PSIP1: variants seen among roughly 807,000 people sequenced by gnomAD.
PSIP1 encodes PC4 and SRSF1 interacting protein 1.
A neutral mutation model predicts 74.7 loss-of-function variants in PSIP1; 19 were observed. That is an observed-to-expected ratio of 0.25 (90% CI 0.18 to 0.37). PSIP1 has a LOEUF of 0.37. PSIP1 is among the 10% of genes least tolerant of loss of function. The pLI is 1.00. For missense variants in PSIP1, 601 were observed against 614.3 expected (o/e 0.98, Z 0.23); for synonymous variants, 222 against 195.3 (o/e 1.14, Z -1.14).
At chr9:15,498,151 T>C (rs1235996008) in intron 3 of PSIP1, among the ~76,000 whole-genome samples, 1 of 152,158 alleles carries the variant, frequency 6.6e-6, no homozygotes, top group African/African-American at 2.4e-5. Flanking sequence ...GGCTCACATT[T>C]GTAACCCCAG....
intron 4 of PSIP1, among the ~76,000 whole-genome samples, chr9:15,489,608 C>CAAAAAAAAAAAAAAAAAAAAAAAAAAA (rs1278277874): frequency 2.2e-5 from 1 of 45,542 alleles, no homozygotes. Flanking sequence ...AACTACACCT[C>CAAAAAAAAAAAAAAAAAAAAAAAAAAA]AAAAAAAAAA....
intron 3 of PSIP1, among the ~76,000 whole-genome samples, chr9:15,500,750 T>A (rs2037304466): frequency 6.6e-6 from 1 of 152,294 alleles, no homozygotes; most frequent in Admixed American, 6.5e-5. Flanking sequence ...GCACCCAACT[T>A]CTTTGCATTA....
chr9:15,506,355 G>A (rs1157355592), intron 3 of PSIP1: 3 of 403,286 alleles, frequency 7.4e-6, no homozygotes, highest in Non-Finnish European at 8.9e-6. Flanking sequence ...TTTCCTTTTT[G>A]GTTAAGGAAA....
chr9:15,468,553 A>T (rs1194722509), intron 14 of PSIP1, 77 bp downstream of exon 14: 1 of 1,475,376 alleles, frequency 6.8e-7, no homozygotes, highest in African/African-American at 1.4e-5. Context: ...GAAACTATGT[A>T]TGAAAGCCAT....
At chr9:15,491,864 G>A (rs1587515814) in intron 3 of PSIP1, 1 of 152,498 alleles carries the variant, frequency 6.6e-6, no homozygotes, top group Non-Finnish European at 1.5e-5. Context: ...CCACAGGAGA[G>A]AATGCATGCA....
chr9:15,484,740 A>G (rs181516620), intron 6 of PSIP1, among the ~76,000 whole-genome samples: 4 of 150,762 alleles, frequency 2.7e-5, no homozygotes, highest in Non-Finnish European at 4.4e-5. Flanking sequence ...ACAAAAACAA[A>G]AACAAAACAA....
intron 3 of PSIP1, chr9:15,504,899 C>A (rs1035692160): frequency 4.6e-5 from 7 of 151,568 alleles, no homozygotes; most frequent in Admixed American, 2.0e-4. Flanking sequence ...CTTGTTAAAA[C>A]AGGTCTTTGG....
chr9:15,509,101 T>G (rs1201011516), intron 2 of PSIP1, among the ~76,000 whole-genome samples: 1 of 152,230 alleles, frequency 6.6e-6, no homozygotes, highest in Non-Finnish European at 1.5e-5. Context: ...ATCTAATGGG[T>G]GTTTTCCACC....
At chr9:15,509,979 A>G (rs1230596003) in intron 2 of PSIP1, 138 bp downstream of exon 2, 3 of 821,562 alleles carry the variant, frequency 3.7e-6, no homozygotes, top group African/African-American at 1.8e-5. Flanking sequence ...GCAAAAAACT[A>G]AAATGAAAGG....
chr9:15,486,890 A>G lies in PSIP1; in HGVS notation c.330T>C (p.Val110=). ...TTGAAACACTAGTTTCCTTTTCTTC[A>G]ACTTCAACATCAGATGATGCATTTG... ...KQSNASSDVE[V]EEKETSVSKE... Residue 110 remains valine, a synonymous_variant, in exon 5 of 16, where the codon GTT becomes GTC. Transcript: ENST00000380733. The G allele has an allele frequency of 6.2e-6, 10 of 1,612,506 alleles. No homozygotes were observed. The highest frequency in any genetic ancestry group is 7.6e-6 in the Non-Finnish European group (9 of 1,179,302).
rs912646805 is a variant in PSIP1 at position 15,482,196 on chromosome 9, T to C, written c.457-2509A>G. Among the ~76,000 whole-genome samples, 3 of 152,292 alleles carry C rather than the reference T, an allele frequency of 2.0e-5. No homozygotes were observed. The South Asian group carries it at 6.2e-4, about 32-fold the overall frequency. ...ATTCATAAGTCCTCCACATCCTTGT[T>C]TTGCTGTATCTGTCCCACAAATCCT... On this transcript the variant is annotated intron_variant, in intron 6 of 15. Coordinates refer to ENST00000380733, the MANE Select transcript of PSIP1 (RefSeq NM_033222.5).
At chr9:15,495,479 G>GAA (rs2037031930) in intron 3 of PSIP1, among the ~76,000 whole-genome samples, 2 of 152,070 alleles carry the variant, frequency 1.3e-5, no homozygotes, top group Admixed American at 1.3e-4. Context: ...ATAAGGAAAT[G>GAA]AAATAGTAAA....
chr9:15,487,035 A>T (rs1469627417), intron 4 of PSIP1, 104 bp from the exon 5 acceptor site: 1 of 671,560 alleles, frequency 1.5e-6, no homozygotes, highest in Admixed American at 3.6e-5. Context: ...GTCTCACTCT[A>T]TCACCCAGGC....
intron 10 of PSIP1, chr9:15,470,956 A>C (rs2035800717): frequency 3.5e-6 from 4 of 1,142,412 alleles, no homozygotes; most frequent in Non-Finnish European, 4.3e-6. Context: ...AAAAAAAAAA[A>C]AACAGGAATG....
intron 9 of PSIP1, among the ~76,000 whole-genome samples, chr9:15,473,332 A>G (rs1048009602): frequency 3.3e-5 from 5 of 152,262 alleles, no homozygotes; most frequent in Non-Finnish European, 7.4e-5. Context: ...TCTCTATATA[A>G]ATCCACCTCT....
At chr9:15,475,294 T>C (rs1288632211) in intron 8 of PSIP1, among the ~76,000 whole-genome samples, 4 of 152,190 alleles carry the variant, frequency 2.6e-5, no homozygotes, top group Non-Finnish European at 5.9e-5. Context: ...AGTAAAAGCA[T>C]GCAAGTGAAA....
intron 6 of PSIP1, among the ~76,000 whole-genome samples, chr9:15,479,969 T>G (rs777307325): frequency 7.9e-5 from 12 of 152,204 alleles, no homozygotes; most frequent in Admixed American, 7.9e-4. Flanking sequence ...GAACAAAGTA[T>G]GTGATTACAC....
chr9:15,509,519 T>C (rs746311611), intron 2 of PSIP1, among the ~76,000 whole-genome samples: 2 of 152,318 alleles, frequency 1.3e-5, no homozygotes, highest in Non-Finnish European at 2.9e-5. Context: ...TTCAAGGTCA[T>C]AAACATCTCA....
rs1300903196 is a variant in PSIP1 at position 15,466,823 on chromosome 9, T to C, written c.1457A>G (p.Asp486Gly). ...KTLNGGSDAQ[D>G]GNQPQHNGES... The stretch of plus-strand genomic sequence containing the variant: ...CCCGTTATGTTGTGGCTGATTACCA[T>C]CTTGAGCATCAGATCCTCCATTTAG... Residue 486 changes from aspartate to glycine, a missense_variant, in exon 15 of 16, where the codon GAT becomes GGT. Asp to Gly is a moderately conservative substitution (Grantham distance 94). Around this residue, in one of 2 missense-constraint regions of PSIP1, gnomAD observed 538 missense variants for 507.6 expected, o/e 1.06. Coordinates refer to ENST00000380733, the MANE Select transcript of PSIP1 (RefSeq NM_033222.5). 1 of 1,613,444 alleles carries C rather than the reference T, an allele frequency of 6.2e-7. No individual in the cohort carries two copies. The highest frequency in any genetic ancestry group is 1.1e-5 in the South Asian group (1 of 90,904).
Sources: gnomAD v4.1 joint callset for allele counts (sites outside exome capture counted in the v4.1 genomes callset) on GRCh38, gnomAD v4.1.1 for gene constraint, gnomAD v4.1.1 regional missense constraint, MANE v1.5 for transcripts, NCBI Gene and HGNC (gene_info 2026-07-23, HGNC 2026-07-21) for gene names.